BCL2: variants seen among roughly 807,000 people sequenced by gnomAD.
BCL2 encodes the protein BCL2 apoptosis regulator.
A neutral mutation model predicts 14.2 loss-of-function variants in BCL2; 1 was observed. The ratio of observed to expected loss-of-function variants is 0.07; its 90% CI spans 0.02 to 0.33. The LOEUF (loss-of-function observed/expected upper bound fraction) is 0.33, where lower values mean the gene tolerates loss of function less well. Among genes scored for constraint, BCL2 ranks in the 10% least tolerant of loss-of-function variants. The pLI, the probability that BCL2 is intolerant of heterozygous loss-of-function variation, is 0.99. For synonymous variants in BCL2, 151 were observed against 137.2 expected (o/e 1.10, Z -0.70); for missense variants, 247 against 305.9 (o/e 0.81, Z 1.44).
At chr18:63,267,765 G>T (rs1599280243) in intron 2 of BCL2, among the ~76,000 whole-genome samples, 1 of 152,248 alleles carries the variant, frequency 6.6e-6, no homozygotes, top group East Asian at 1.9e-4. Context: ...TGGTCCCTCT[G>T]GTCCACAAAG....
At chr18:63,228,621 ACAATAAATGTT>A (rs1021245158) in intron 2 of BCL2, among the ~76,000 whole-genome samples, 3 of 152,246 alleles carry the variant, frequency 2.0e-5, no homozygotes, top group African/African-American at 7.2e-5. Context: ...TTCCTTAAAA[ACAATAAATGTT>A]CAATAAATGT....
At chr18:63,224,300 G>A (rs1166849934) in intron 2 of BCL2, among the ~76,000 whole-genome samples, 1 of 152,202 alleles carries the variant, frequency 6.6e-6, no homozygotes, top group Non-Finnish European at 1.5e-5. Context: ...CAGATTGAAA[G>A]ACCACAATGA....
intron 2 of BCL2, among the ~76,000 whole-genome samples, chr18:63,189,358 T>C (rs1234579943): frequency 1.3e-5 from 2 of 152,188 alleles, no homozygotes; most frequent in Non-Finnish European, 2.9e-5. Flanking sequence ...TGATAGTTCC[T>C]TGTAGTTATC....
At position 63,319,366 on chromosome 18, in the gene BCL2, T is replaced by G. The variant is rs1272796451; in HGVS notation, c.-479A>C. Reference sequence around the variant, plus strand: ...GGATTTCCAGATCGATTCCCAGACTTCTGCTTCACAGAAATGTCAATCCGC... The same window carrying G: ...GGATTTCCAGATCGATTCCCAGACTGCTGCTTCACAGAAATGTCAATCCGC... On this transcript the variant is annotated 5_prime_UTR_variant, in exon 1 of 3. Coordinates refer to ENST00000333681, the MANE Select transcript of BCL2 (RefSeq NM_000633.3). 3.5e-5 allele frequency: 8 copies of G among 228,828 alleles called. No homozygotes were observed. Among genetic ancestry groups the G allele is most frequent in the Non-Finnish European group, 6.1e-5 (7 of 115,434 alleles). The allele number at this position is 228,828 out of a possible 1,614,324, so 14.2% of individuals were successfully genotyped here.
intron 2 of BCL2, among the ~76,000 whole-genome samples, chr18:63,183,166 T>A (rs1244807212): frequency 6.6e-6 from 1 of 152,152 alleles, no homozygotes; most frequent in African/African-American, 2.4e-5. Flanking sequence ...TAAGATCAGC[T>A]GGCAGATGAG....
chr18:63,158,048 A>G (rs2144615549), intron 2 of BCL2, among the ~76,000 whole-genome samples: 1 of 152,208 alleles, frequency 6.6e-6, no homozygotes, highest in East Asian at 1.9e-4. Context: ...TTCATAAGAA[A>G]AGCTCCAAGT....
At chr18:63,146,831 T>C (rs963835027) in intron 2 of BCL2, among the ~76,000 whole-genome samples, 1 of 152,202 alleles carries the variant, frequency 6.6e-6, no homozygotes, top group South Asian at 2.1e-4. Flanking sequence ...CATAAGTTCA[T>C]GGTTGATGGA....
At chr18:63,246,835 C>T (rs1035038901) in intron 2 of BCL2, among the ~76,000 whole-genome samples, 2 of 152,214 alleles carry the variant, frequency 1.3e-5, no homozygotes, top group Non-Finnish European at 2.9e-5. Context: ...GACTGAAAGA[C>T]TGAAGAAATG....
At chr18:63,276,610 G>A (rs1912160972) in intron 2 of BCL2, among the ~76,000 whole-genome samples, 1 of 152,208 alleles carries the variant, frequency 6.6e-6, no homozygotes, top group Non-Finnish European at 1.5e-5. Context: ...AGGGAATGAT[G>A]TACTTTGTTT....
chr18:63,194,154 A>G (rs370131149), intron 2 of BCL2, among the ~76,000 whole-genome samples: 3 of 152,260 alleles, frequency 2.0e-5, no homozygotes, highest in South Asian at 2.1e-4. Flanking sequence ...ATTTTTGTCT[A>G]TTTGTTTGAT....
intron 2 of BCL2, among the ~76,000 whole-genome samples, chr18:63,298,217 C>G (rs999572589): frequency 6.6e-6 from 1 of 151,818 alleles, no homozygotes; most frequent in Non-Finnish European, 1.5e-5. Flanking sequence ...TTTGTTATGA[C>G]AAGAGTTTAT....
rs4987762 is a variant in BCL2, at chr18:63,240,996, C to A, written c.585+77086G>T. Among the ~76,000 whole-genome samples, 3 of 152,342 alleles carry A rather than the reference C, an allele frequency of 2.0e-5. No homozygotes were observed. In the South Asian group the frequency reaches 6.2e-4, roughly 32 times the overall value. ...GTTGGAAAACATTTCCAGTGAAAAA[C>A]CAGATAGCAAATATCTTAAGCCATA... On this transcript the variant is annotated intron_variant, in intron 2 of 2. Coordinates refer to ENST00000333681, the MANE Select transcript of BCL2 (RefSeq NM_000633.3).
intron 2 of BCL2, chr18:63,317,571 C>A (rs920912034): frequency 1.0e-6 from 1 of 988,778 alleles, no homozygotes; most frequent in African/African-American, 1.7e-5. Context: ...ATTGATGATG[C>A]CCTTGGTCTT....
intron 2 of BCL2, among the ~76,000 whole-genome samples, chr18:63,266,696 G>A (rs1277498120): frequency 6.8e-6 from 1 of 146,618 alleles, no homozygotes; most frequent in Non-Finnish European, 1.5e-5. Context: ...ATCAAAATCA[G>A]GAGCCACACA....
At chr18:63,270,233 C>T (rs1599281557) in intron 2 of BCL2, among the ~76,000 whole-genome samples, 2 of 152,216 alleles carry the variant, frequency 1.3e-5, no homozygotes, top group South Asian at 4.1e-4. Flanking sequence ...TGCAACAATT[C>T]CATTTCTAGG....
chr18:63,198,904 GACATATACAGAC>G (rs1909581944), intron 2 of BCL2, among the ~76,000 whole-genome samples: 2 of 145,264 alleles, frequency 1.4e-5, no homozygotes, highest in African/African-American at 2.6e-5. Flanking sequence ...CACACACACA[GACATATACAGAC>G]ACACACAGAC....
At chr18:63,267,899 TTCTG>T (rs765301990) in intron 2 of BCL2, among the ~76,000 whole-genome samples, 257 of 152,324 alleles carry the variant, frequency 1.7e-3, no homozygotes, top group Middle Eastern at 6.8e-3. Context: ...TGTTTTTCTC[TTCTG>T]TCTTTCTTCC....
rs766277782 is a variant in BCL2 at position 63,318,500 on chromosome 18, G to C, written c.167C>G (p.Thr56Arg). The C allele has an allele frequency of 2.0e-6, 3 of 1,535,602 alleles. No homozygotes were observed. Among genetic ancestry groups the C allele is most frequent in the Non-Finnish European group, 2.6e-6 (3 of 1,150,072 alleles). ...GTCCCGGGATGCGGCTGGATGGGGC[G>C]TGTGCCCGGGCTGGGAGGAGAAGAT... is the stretch of plus-strand genomic sequence containing the variant. Reference protein sequence around the residue: ...PGIFSSQPGHTPHPAASRDPV... With the variant: ...PGIFSSQPGHRPHPAASRDPV... The change falls in exon 2 of 3, where the codon ACG (threonine) becomes AGG (arginine). Residue 56 changes from threonine (T) to arginine (R), a missense_variant. Physicochemically the swap from Thr to Arg is moderately conservative, Grantham distance 71. This residue lies in a region of BCL2 where 144 missense variants were observed against 135.3 expected (regional missense o/e 1.06). Transcript: ENST00000333681. This position sits in a 1 kb window ranked among gnomAD's most constrained non-coding sequence, Gnocchi z 7.4.
At chr18:63,174,820 CAA>C (rs953107518) in intron 2 of BCL2, among the ~76,000 whole-genome samples, 1,763 of 72,212 alleles carry the variant, frequency 0.024, 18 homozygotes, top group African/African-American at 0.063. Flanking sequence ...GACTTTGTCT[CAA>C]AAAAAAAAAA....
Sources: gnomAD v4.1 joint callset for allele counts (sites outside exome capture counted in the v4.1 genomes callset) on GRCh38, gnomAD v4.1.1 for gene constraint, gnomAD v4.1.1 regional missense constraint, Gnocchi (gnomAD v3.1) non-coding constraint, MANE v1.5 for transcripts, NCBI Gene and HGNC (gene_info 2026-07-23, HGNC 2026-07-21) for gene names.